MEI4: variants seen among roughly 807,000 people sequenced by gnomAD.
MEI4 encodes meiotic double-stranded break formation protein 4, also known as meiosis-specific protein MEI4.
In MEI4, 27 loss-of-function variants were observed where a neutral mutation model predicts 31.4. The observed-to-expected ratio is 0.86, with a 90% CI of 0.63 to 1.19. The LOEUF (loss-of-function observed/expected upper bound fraction) is 1.19. Among genes scored for constraint, MEI4 ranks in the 50% most tolerant of loss-of-function variants. The probability of loss-of-function intolerance (pLI) is 0.00; values close to 1 mark genes in which losing one functional copy is unlikely to be tolerated. For synonymous variants in MEI4, 122 were observed against 145.4 expected (o/e 0.84, Z 1.16); for missense variants, 329 against 398.9 (o/e 0.82, Z 1.49).
At chr6:77,702,958 A>G (rs1442265178) in intron 2 of MEI4, among the ~76,000 whole-genome samples, 2 of 152,122 alleles carry the variant, frequency 1.3e-5, no homozygotes, top group Admixed American at 6.5e-5. Flanking sequence ...GTCTTCACTA[A>G]CTACCTCCCT....
intron 4 of MEI4, among the ~76,000 whole-genome samples, chr6:77,916,609 T>A (rs1319289509): frequency 6.6e-6 from 1 of 152,022 alleles, no homozygotes; most frequent in Admixed American, 6.6e-5. Flanking sequence ...TTCCAAATCT[T>A]TGTTGTCAAC....
intron 4 of MEI4, among the ~76,000 whole-genome samples, chr6:77,840,736 A>T (rs1770337516): frequency 6.6e-6 from 1 of 152,156 alleles, no homozygotes; most frequent in South Asian, 2.1e-4. Context: ...AAAAATGAAC[A>T]TTGTAATTAC....
intron 1 of MEI4, among the ~76,000 whole-genome samples, chr6:77,660,547 A>G (rs1768484851): frequency 6.6e-6 from 1 of 151,350 alleles, no homozygotes; most frequent in Admixed American, 6.6e-5. Context: ...AGGGATGACT[A>G]GTTTTTTTTG....
At chr6:77,700,147 A>C (rs13202471) in intron 2 of MEI4, among the ~76,000 whole-genome samples, 14,010 of 152,276 alleles carry the variant, frequency 0.092, 935 homozygotes, top group East Asian at 0.31. Context: ...TTAAGTCTGC[A>C]GAGGCTACTG....
chr6:77,842,396 G>A (rs949719153), intron 4 of MEI4, among the ~76,000 whole-genome samples: 1 of 152,112 alleles, frequency 6.6e-6, no homozygotes, highest in Non-Finnish European at 1.5e-5. Context: ...GATGCATTTT[G>A]TAAGGCAGTA....
At chr6:77,715,794 C>T (rs144555479) in intron 2 of MEI4, among the ~76,000 whole-genome samples, 5 of 152,240 alleles carry the variant, frequency 3.3e-5, no homozygotes, top group East Asian at 1.9e-4. Flanking sequence ...ATATACTTAA[C>T]GTCACGTGAT....
At chr6:77,862,914 C>T (rs1028568864) in intron 4 of MEI4, among the ~76,000 whole-genome samples, 1 of 152,188 alleles carries the variant, frequency 6.6e-6, no homozygotes, top group East Asian at 1.9e-4. Context: ...ATTGGCTGTT[C>T]ACCAATATCT....
intron 2 of MEI4, among the ~76,000 whole-genome samples, chr6:77,699,351 G>A (rs1454819794): frequency 2.6e-5 from 4 of 151,686 alleles, no homozygotes; most frequent in East Asian, 2.0e-4. Context: ...CACTACGCCC[G>A]GCTAATTTTT....
At chr6:77,817,441 G>A (rs1769715071) in intron 3 of MEI4, among the ~76,000 whole-genome samples, 1 of 151,944 alleles carries the variant, frequency 6.6e-6, no homozygotes, top group African/African-American at 2.4e-5. Flanking sequence ...TTAAACTTTT[G>A]CTGACCTAAG....
rs1034231131 is a variant in MEI4, at chr6:77,761,388, C to A, written c.491C>A (p.Thr164Lys). ...LQYLLELKNL[T>K]ESGNLKRDLT... Reference sequence around the variant, plus strand: ...TATCTACTTGAATTAAAGAACTTGACAGAATCAGGTAATCTTAAAAGAGAC... The same window carrying A: ...TATCTACTTGAATTAAAGAACTTGAAAGAATCAGGTAATCTTAAAAGAGAC... The change falls in exon 3 of 5, where the codon ACA becomes AAA. Residue 164 changes from threonine (T) to lysine (K), a missense_variant. Thr to Lys is a moderately conservative substitution (Grantham distance 78). Transcript: ENST00000684080. 1 of 1,232,240 alleles carries A rather than the reference C, an allele frequency of 8.1e-7. No homozygotes were observed. The highest frequency in any genetic ancestry group is 1.0e-6 in the Non-Finnish European group (1 of 987,964). 76.3% of individuals were successfully genotyped at this position (1,232,240 alleles called of 1,614,324 possible).
chr6:77,715,898 T>A (rs1766571509), intron 2 of MEI4, among the ~76,000 whole-genome samples: 2 of 152,248 alleles, frequency 1.3e-5, no homozygotes, highest in Admixed American at 6.5e-5. Flanking sequence ...CAATTTTTTT[T>A]TCTATTTCTC....
chr6:77,837,319 A>G (rs530054901), intron 4 of MEI4, among the ~76,000 whole-genome samples: 18 of 152,310 alleles, frequency 1.2e-4, no homozygotes, highest in Non-Finnish European at 2.2e-4. Context: ...AAGGTTCTAG[A>G]ATGAATTGCT....
At chr6:77,775,334 C>T (rs186359916) in intron 3 of MEI4, among the ~76,000 whole-genome samples, 13 of 152,184 alleles carry the variant, frequency 8.5e-5, no homozygotes, top group Middle Eastern at 3.4e-3. Context: ...CTCTCATTCC[C>T]CTCCCACCCT....
intron 4 of MEI4, among the ~76,000 whole-genome samples, chr6:77,841,333 A>ATATATATATATATATATTTTTTTT: frequency 3.6e-5 from 1 of 27,748 alleles, no homozygotes; most frequent in East Asian, 2.2e-3. Context: ...ATATATATAT[A>ATATATATATATATATATTTTTTTT]TTTTTTTTTT....
intron 4 of MEI4, among the ~76,000 whole-genome samples, chr6:77,864,909 G>C (rs1290308675): frequency 6.6e-6 from 1 of 151,876 alleles, no homozygotes; most frequent in Non-Finnish European, 1.5e-5. Context: ...ATCAAACTAG[G>C]ACTCAGGATT....
chr6:77,791,477 A>T (rs1768929956), intron 3 of MEI4, among the ~76,000 whole-genome samples: 1 of 142,726 alleles, frequency 7.0e-6, no homozygotes, highest in Non-Finnish European at 1.5e-5. Context: ...TGGGAATTGA[A>T]CAATGAGATC....
At chr6:77,824,627 A>C (rs1769900904) in intron 3 of MEI4, among the ~76,000 whole-genome samples, 1 of 141,392 alleles carries the variant, frequency 7.1e-6, no homozygotes, top group African/African-American at 2.7e-5. Flanking sequence ...TTACTTTATA[A>C]GCACCAAATA....
intron 4 of MEI4, among the ~76,000 whole-genome samples, chr6:77,852,585 G>GTT (rs58175580): frequency 0.14 from 19,984 of 142,444 alleles, 1,711 homozygotes; most frequent in East Asian, 0.38. Context: ...GTTGTTGTTT[G>GTT]TTTTTTTTTT....
At chr6:77,796,591 T>C (rs1769082289) in intron 3 of MEI4, among the ~76,000 whole-genome samples, 1 of 152,056 alleles carries the variant, frequency 6.6e-6, no homozygotes, top group Admixed American at 6.6e-5. Flanking sequence ...GAAAAATACA[T>C]CAAGGAAGCA....
Sources: allele counts gnomAD v4.1 joint callset (sites outside exome capture counted in the v4.1 genomes callset), GRCh38; gene constraint gnomAD v4.1.1; transcripts MANE v1.5; gene names NCBI Gene and HGNC (gene_info 2026-07-23, HGNC 2026-07-21).